RASGRP1: variants seen among roughly 807,000 people sequenced by gnomAD.
The protein encoded by RASGRP1 is RAS guanyl-releasing protein 1.
RASGRP1 carries 37 observed loss-of-function variants against 95.1 expected under a neutral mutation model. The observed-to-expected ratio is 0.39, with a 90% CI of 0.30 to 0.51. The LOEUF is 0.51. Ranked by LOEUF, RASGRP1 falls within the 20% of genes least tolerant of loss-of-function variation. The pLI is 0.80. For synonymous variants in RASGRP1, 325 were observed against 353.4 expected (o/e 0.92, Z 0.90); for missense variants, 711 against 965.4 (o/e 0.74, Z 3.49).
intron 9 of RASGRP1, among the ~76,000 whole-genome samples, chr15:38,506,566 T>C (rs1891262284): frequency 7.1e-6 from 1 of 140,236 alleles, no homozygotes; most frequent in South Asian, 2.2e-4. Flanking sequence ...ACCTGGAAGA[T>C]AGAGGTTGCA....
At chr15:38,533,300 T>G (rs1164686664) in intron 2 of RASGRP1, among the ~76,000 whole-genome samples, 1 of 152,150 alleles carries the variant, frequency 6.6e-6, no homozygotes, top group Non-Finnish European at 1.5e-5. Context: ...AGGCTGAGGT[T>G]GATAATGGAG....
chr15:38,562,161 A>G (rs1306795242), intron 1 of RASGRP1, among the ~76,000 whole-genome samples: 1 of 152,258 alleles, frequency 6.6e-6, no homozygotes, highest in Non-Finnish European at 1.5e-5. Flanking sequence ...CAGGATTAGT[A>G]GTAGACAATC....
At chr15:38,512,696 GC>G in intron 7 of RASGRP1, 86 bp downstream of exon 7, 1 of 1,518,338 alleles carries the variant, frequency 6.6e-7, no homozygotes, top group Non-Finnish European at 9.0e-7. Flanking sequence ...GGAAAAAACA[GC>G]TCTAATTAAT....
chr15:38,552,239 AAC>A (rs745950489), intron 2 of RASGRP1, among the ~76,000 whole-genome samples: 51 of 152,332 alleles, frequency 3.3e-4, no homozygotes, highest in Non-Finnish European at 5.9e-4. Flanking sequence ...TCCTTTGAAG[AAC>A]ACACAGAGAG....
chr15:38,494,448 G>C lies in RASGRP1; in HGVS notation c.2193C>G (p.Asp731Glu). 1 of 1,613,344 alleles carries C rather than the reference G, an allele frequency of 6.2e-7. No individual in the cohort carries two copies. Among genetic ancestry groups the C allele is most frequent in the Non-Finnish European group, 8.5e-7 (1 of 1,179,618 alleles). The change falls in exon 16 of 17, where the codon GAC becomes GAG. Residue 731 changes from aspartate to glutamate, a missense_variant. Around this residue, in one of 3 missense-constraint regions of RASGRP1, gnomAD observed 212 missense variants for 247.8 expected, o/e 0.86. Coordinates refer to ENST00000310803, the MANE Select transcript of RASGRP1 (RefSeq NM_005739.4). ...KRAFVKWENKDSLIKSKEELR... is the reference protein window; with the variant it reads ...KRAFVKWENKESLIKSKEELR... The stretch of plus-strand genomic sequence containing the variant: ...GCTCCTCCTTTGATTTTATGAGGGA[G>C]TCTTTATTCTCCCACTTGACAAAAG...
In RASGRP1 at chr15:38,496,274, T is replaced by C. The variant is rs115851162; in HGVS notation, c.1874-1507A>G. On this transcript the variant is annotated intron_variant, in intron 15 of 16. Coordinates refer to ENST00000310803, the MANE Select transcript of RASGRP1 (RefSeq NM_005739.4). ...GACTTTTAGCAACTTTATAATAATA[T>C]AGTAATTTTCATTTTGTTGCCCATG... 4.3e-3 allele frequency among the ~76,000 whole-genome samples: 657 copies of C among 152,336 alleles called. 4 individuals are homozygous for C. The highest frequency in any genetic ancestry group is 0.015 in the African/African-American group (633 of 41,574).
Position 38,559,833 on chromosome 15 carries a change from T to A in RASGRP1, c.208A>T (p.Ile70Phe). 6.2e-7 allele frequency: 1 copy of A among 1,613,806 alleles called. No homozygotes were observed. Among genetic ancestry groups the A allele is most frequent in the Non-Finnish European group, 8.5e-7 (1 of 1,179,702 alleles). The change falls in exon 2 of 17, where the codon ATT becomes TTT. Residue 70 changes from isoleucine (I) to phenylalanine (F), a missense_variant. Around this residue, in one of 3 missense-constraint regions of RASGRP1, gnomAD observed 491 missense variants for 676.6 expected, o/e 0.73. Transcript: ENST00000310803. ...ASLDDLIDSC[I>F]QSFDADGNLC... The stretch of plus-strand genomic sequence containing the variant: ...TTAGCCAACTTACCAAAAGATTGAA[T>A]GCAGCTGTCAATGAGATCGTCCAGG...
chr15:38,555,363 G>A (rs779038585), intron 2 of RASGRP1, among the ~76,000 whole-genome samples: 14 of 152,218 alleles, frequency 9.2e-5, no homozygotes, highest in Non-Finnish European at 2.1e-4. Context: ...TATATAGATT[G>A]GGTGCAATCA....
At position 38,516,809 on chromosome 15, in the gene RASGRP1, C is replaced by T. The variant is rs560978369; in HGVS notation, c.522-459G>A. Among the ~76,000 whole-genome samples the T allele has an allele frequency of 2.0e-5, 3 of 152,090 alleles. No individual in the cohort carries two copies. The South Asian group carries it at 6.2e-4, about 32-fold the overall frequency. On this transcript the variant is annotated intron_variant, in intron 5 of 16. Coordinates refer to ENST00000310803, the MANE Select transcript of RASGRP1 (RefSeq NM_005739.4). ...ATGCCAGAAAGAGAGCTCAAAGAAC[C>T]ACAGCAAGATGTCATAAAGGGAGGG...
Position 38,508,000 on chromosome 15 carries a change from A to C in RASGRP1, c.968T>G (p.Val323Gly). The change falls in exon 9 of 17, where the codon GTT becomes GGT. Residue 323 changes from valine to glycine, a missense_variant and splice_region_variant. Coordinates refer to ENST00000310803, the MANE Select transcript of RASGRP1 (RefSeq NM_005739.4). ...SSHVPHEINK[V>G]LGEMTELLSS... Reference sequence around the variant, plus strand: ...CAGCAGCTCAGTCATCTCACCGAGAACCTACAAAGCAGAACAGACCAATCA... The same window carrying C: ...CAGCAGCTCAGTCATCTCACCGAGACCCTACAAAGCAGAACAGACCAATCA... 1 of 1,600,568 alleles carries C rather than the reference A, an allele frequency of 6.2e-7. No individual in the cohort carries two copies. The highest frequency in any genetic ancestry group is 8.5e-7 in the Non-Finnish European group (1 of 1,174,022).
rs568769846 is a variant in RASGRP1, at chr15:38,498,702, C to T, written c.1873+92G>A. ...TAGCTGTTGAGGTTACATTTAAACT[C>T]AAACACAGAGTCATGAGGTAATCTT... On this transcript the variant is annotated intron_variant, in intron 15 of 16. Transcript: ENST00000310803. 39 of 1,485,878 alleles carry T rather than the reference C, an allele frequency of 2.6e-5. 1 individual carries two copies. In the South Asian group the frequency reaches 4.7e-4, roughly 18 times the overall value. 92.0% of individuals were successfully genotyped at this position (1,485,878 alleles called of 1,614,324 possible).
At chr15:38,512,683 G>A (rs1231039325) in intron 7 of RASGRP1, 100 bp downstream of exon 7, 25 of 1,439,322 alleles carry the variant, frequency 1.7e-5, no homozygotes, top group East Asian at 7.1e-5. Context: ...CATGGTTCAG[G>A]AGGGAAAAAA....
At chr15:38,538,408 A>G (rs910781336) in intron 2 of RASGRP1, among the ~76,000 whole-genome samples, 5 of 152,246 alleles carry the variant, frequency 3.3e-5, no homozygotes, top group Non-Finnish European at 5.9e-5. Context: ...GGGGGAGACC[A>G]GGAGAAATAT....
intron 2 of RASGRP1, among the ~76,000 whole-genome samples, chr15:38,546,406 T>G (rs1893105753): frequency 6.6e-6 from 1 of 152,142 alleles, no homozygotes; most frequent in Non-Finnish European, 1.5e-5. Flanking sequence ...TTTTGTATTT[T>G]TAGTAGAGAC....
At chr15:38,545,667 CAG>C (rs936337072) in intron 2 of RASGRP1, among the ~76,000 whole-genome samples, 3 of 151,932 alleles carry the variant, frequency 2.0e-5, no homozygotes, top group Non-Finnish European at 4.4e-5. Context: ...AGCTGACAAG[CAG>C]AGAGAAGCAA....
In RASGRP1 at chr15:38,498,819, T is replaced by A; in HGVS notation, c.1848A>T (p.Ser616=). The change falls in exon 15 of 17, where the codon TCA becomes TCT. Residue 616 remains serine (S), a synonymous_variant. Transcript: ENST00000310803. ...TSVGPVSNLC[S]LGAKDLLHAP... is the part of the protein sequence containing the mutation. ...CATGGAGCAGATCTTTGGCTCCCAA[T>A]GAGCAAAGGTTGGACACTGGCCCCA... 1 of 1,613,720 alleles carries A rather than the reference T, an allele frequency of 6.2e-7. No individual in the cohort carries two copies. The highest frequency in any genetic ancestry group is 8.5e-7 in the Non-Finnish European group (1 of 1,179,832).
chr15:38,530,649 TA>T (rs2141147510), intron 2 of RASGRP1, among the ~76,000 whole-genome samples: 1 of 152,338 alleles, frequency 6.6e-6, no homozygotes, highest in East Asian at 1.9e-4. Context: ...AAAGCCAGCT[TA>T]TTCAGTATGG....
intron 3 of RASGRP1, among the ~76,000 whole-genome samples, chr15:38,522,114 C>T (rs1287970342): frequency 6.6e-6 from 1 of 152,148 alleles, no homozygotes; most frequent in Non-Finnish European, 1.5e-5. Context: ...AGCCACTAAA[C>T]TAAGTTCTAG....
At position 38,490,564 on chromosome 15, in the gene RASGRP1, T is replaced by TC. The variant is rs1176924092; in HGVS notation, c.2383dup (p.Asp795GlyfsTer15). Reference sequence around the variant, plus strand: ...TACTTAGTTTCTGGGCTAAGAACAGTCACCCTGCTCCATTTGAGCTAAGAC... The same window carrying TC: ...TACTTAGTTTCTGGGCTAAGAACAGTCCACCCTGCTCCATTTGAGCTAAGAC... On this transcript the variant is annotated frameshift_variant, in exon 17 of 17. Coordinates refer to ENST00000310803, the MANE Select transcript of RASGRP1 (RefSeq NM_005739.4). LOFTEE classifies it high-confidence loss of function. 1 of 1,612,858 alleles carries TC rather than the reference T, an allele frequency of 6.2e-7. No individual in the cohort carries two copies. Among genetic ancestry groups the TC allele is most frequent in the Non-Finnish European group, 8.5e-7 (1 of 1,179,340 alleles).
Sources: allele counts gnomAD v4.1 joint callset (sites outside exome capture counted in the v4.1 genomes callset), GRCh38; gene constraint gnomAD v4.1.1; regional missense constraint gnomAD v4.1.1; transcripts MANE v1.5; gene names NCBI Gene and HGNC (gene_info 2026-07-23, HGNC 2026-07-21).